RPS6KA2: variants seen among roughly 807,000 people sequenced by gnomAD.
RPS6KA2 encodes ribosomal protein S6 kinase alpha-2.
Under a neutral mutation model 91.8 loss-of-function variants are expected in RPS6KA2, and 42 were observed. The observed-to-expected ratio is 0.46, with a 90% CI of 0.36 to 0.59. The LOEUF is 0.59. Among genes scored for constraint, RPS6KA2 ranks in the 20% least tolerant of loss-of-function variants. RPS6KA2 has a pLI of 0.00. For missense variants in RPS6KA2, 798 were observed against 978.5 expected, an observed-to-expected ratio of 0.82 and a Z score of 2.46; for synonymous variants, 414 against 393.6, an observed-to-expected ratio of 1.05 and a Z score of -0.61.
At chr6:166,465,763 G>A (rs951444355) in intron 11 of RPS6KA2, among the ~76,000 whole-genome samples, 3 of 152,194 alleles carry the variant, frequency 2.0e-5, no homozygotes, top group Admixed American at 6.5e-5. Context: ...GGCGTTATGG[G>A]ACAGCAGACT....
At position 166,595,060 on chromosome 6, in the gene RPS6KA2, G is replaced by T. The variant is rs201812316; in HGVS notation, c.99+31861C>A. Among the ~76,000 whole-genome samples the T allele has an allele frequency of 4.5e-3, 667 of 149,756 alleles. 3 individuals are homozygous for T. The highest frequency in any genetic ancestry group is 0.015 in the African/African-American group (629 of 40,672). On this transcript the variant is annotated intron_variant, in intron 1 of 20. Transcript: ENST00000265678. Reference sequence around the variant, plus strand: ...AAGTTGAAATGAATAATTTTTTTTTGTTTTTTTTTGAGACAGAGTCTCATT... The same window carrying T: ...AAGTTGAAATGAATAATTTTTTTTTTTTTTTTTTTGAGACAGAGTCTCATT...
chr6:166,856,852 T>C (rs1415943797), intron 2 of RPS6KA2, among the ~76,000 whole-genome samples: 2 of 152,212 alleles, frequency 1.3e-5, no homozygotes, highest in Non-Finnish European at 2.9e-5. Flanking sequence ...CCTGCCTACC[T>C]TTTGATCATC....
chr6:166,480,514 T>TATATATATATATATATATATATAA (rs1554279395), intron 10 of RPS6KA2, among the ~76,000 whole-genome samples: 30 of 110,662 alleles, frequency 2.7e-4, no homozygotes, highest in African/African-American at 7.4e-4. Context: ...TATATATATA[T>TATATATATATATATATATATATAA]AATATATTTT....
Position 166,418,287 on chromosome 6 carries a change from T to A in RPS6KA2, c.1876A>T (p.Ile626Phe). The A allele has an allele frequency of 6.2e-7, 1 of 1,614,136 alleles. No homozygotes were observed. The highest frequency in any genetic ancestry group is 8.5e-7 in the Non-Finnish European group (1 of 1,180,010). ...DDTPEEILAR[I>F]GSGKYALSGG... ...GAAAGGGCATACTTCCCACTGCCGA[T>A]CCGCGCCAGAATCTCCTCAGGGGTA... Residue 626 changes from isoleucine (I) to phenylalanine (F), a missense_variant, in exon 19 of 21, where the codon ATC becomes TTC. Ile to Phe is a conservative substitution (Grantham distance 21, BLOSUM62 0). Transcript: ENST00000265678. This position sits in a 1 kb window ranked among gnomAD's most constrained non-coding sequence, Gnocchi z 4.9.
At chr6:166,519,348 T>C (rs951209003) in intron 3 of RPS6KA2, among the ~76,000 whole-genome samples, 2 of 152,234 alleles carry the variant, frequency 1.3e-5, no homozygotes, top group African/African-American at 2.4e-5. Flanking sequence ...GGATTGCTAC[T>C]ATAGATGTGA....
upstream of RPS6KA2, among the ~76,000 whole-genome samples, chr6:166,628,846 G>T (rs966926760): frequency 6.6e-6 from 1 of 152,244 alleles, no homozygotes; most frequent in Non-Finnish European, 1.5e-5. Flanking sequence ...TAGTGCAATT[G>T]ATTTTCATAT....
At chr6:166,717,338 G>A (rs150109520) in intron 2 of RPS6KA2, among the ~76,000 whole-genome samples, 32 of 152,308 alleles carry the variant, frequency 2.1e-4, no homozygotes, top group African/African-American at 7.0e-4. Flanking sequence ...CAGGTGCGCT[G>A]TAGGAGATGG....
intron 1 of RPS6KA2, among the ~76,000 whole-genome samples, chr6:166,571,085 G>C (rs1784671830): frequency 1.3e-5 from 2 of 152,242 alleles, no homozygotes; most frequent in Admixed American, 6.5e-5. Context: ...TGTCACAACA[G>C]TGCGGTGAGG....
chr6:166,825,456 T>TC lies in RPS6KA2; in HGVS notation c.123+32743dup, dbSNP rs927730615. ...AGAGGGACCCCTGGGCAGGCCTGCT[T>TC]CCCCTGACATGACCCAGATCCTGGC... On this transcript the variant is annotated intron_variant, in intron 2 of 21. Coordinates refer to the RPS6KA2 transcript ENST00000503859. This position sits in a 1 kb window ranked among gnomAD's most constrained non-coding sequence, Gnocchi z 4.1. 6.6e-6 allele frequency among the ~76,000 whole-genome samples: 1 copy of TC among 152,062 alleles called. No homozygotes were observed. Among genetic ancestry groups the TC allele is most frequent in the Non-Finnish European group, 1.5e-5 (1 of 68,018 alleles).
chr6:166,640,452 C>T (rs1035679922), intron 2 of RPS6KA2, among the ~76,000 whole-genome samples: 8 of 152,182 alleles, frequency 5.3e-5, no homozygotes, highest in African/African-American at 1.4e-4. Context: ...CCGGGAGAGG[C>T]GCGCCCTGTG....
chr6:166,577,049 C>T (rs1317498682), intron 1 of RPS6KA2, among the ~76,000 whole-genome samples: 2 of 152,212 alleles, frequency 1.3e-5, no homozygotes, highest in Non-Finnish European at 2.9e-5. Flanking sequence ...GGGTGGAAGC[C>T]CTAAGCCTTG....
intron 1 of RPS6KA2, among the ~76,000 whole-genome samples, chr6:166,541,625 G>T (rs1357239259): frequency 6.6e-6 from 1 of 152,160 alleles, no homozygotes; most frequent in Non-Finnish European, 1.5e-5. Context: ...CTGGCTTCAC[G>T]CCTTCCTCAG....
Position 166,435,778 on chromosome 6 carries a change from A to C in RPS6KA2, c.1333-3288T>G, listed in dbSNP as rs368156696. On this transcript the variant is annotated intron_variant, in intron 14 of 20. Transcript: ENST00000265678. This position sits in a 1 kb window ranked among gnomAD's most constrained non-coding sequence, Gnocchi z 4.3. ...GGTGTGGGTGGCTTGGCCTGTGGCC[A>C]TGTCACTTGCTGGTACTTGAATGTG... is the stretch of plus-strand genomic sequence containing the variant. Among the ~76,000 whole-genome samples the C allele has an allele frequency of 6.6e-6, 1 of 152,234 alleles. No homozygotes were observed. Among genetic ancestry groups the C allele is most frequent in the African/African-American group, 2.4e-5 (1 of 41,472 alleles).
chr6:166,562,886 T>G (rs3799619), intron 1 of RPS6KA2, among the ~76,000 whole-genome samples: 14,257 of 151,994 alleles, frequency 0.094, 1,016 homozygotes, highest in East Asian at 0.29. Context: ...CTTCCAGAAG[T>G]TGGGGGTGCA....
At chr6:166,810,260 A>G (rs1779595936) in intron 2 of RPS6KA2, among the ~76,000 whole-genome samples, 1 of 152,052 alleles carries the variant, frequency 6.6e-6, no homozygotes, top group Non-Finnish European at 1.5e-5. Context: ...ATTCAAGATG[A>G]GATTTTGGGT....
chr6:166,694,034 T>C (rs745577980), intron 2 of RPS6KA2, among the ~76,000 whole-genome samples: 33 of 152,208 alleles, frequency 2.2e-4, no homozygotes, highest in Non-Finnish European at 4.0e-4. Flanking sequence ...TTGTGTGACA[T>C]TGCAGCTCAT....
intron 2 of RPS6KA2, among the ~76,000 whole-genome samples, chr6:166,728,722 TA>T (rs1319108643): frequency 1.3e-5 from 2 of 152,118 alleles, no homozygotes; most frequent in African/African-American, 2.4e-5. Context: ...TTCTCACTTC[TA>T]AAAAACGGTA....
intron 2 of RPS6KA2, among the ~76,000 whole-genome samples, chr6:166,806,758 G>A (rs1025482056): frequency 6.6e-6 from 1 of 152,054 alleles, no homozygotes; most frequent in Non-Finnish European, 1.5e-5. Context: ...ACAATGACAT[G>A]TAACTCCACT....
At chr6:166,538,838 G>A (rs866058956) in intron 1 of RPS6KA2, 54 bp from the exon 2 acceptor site, 60 of 903,484 alleles carry the variant, frequency 6.6e-5, no homozygotes, top group Middle Eastern at 2.5e-4. Context: ...CCTCAGAGCC[G>A]CTCACAGCTT....
Sources: allele counts gnomAD v4.1 joint callset (sites outside exome capture counted in the v4.1 genomes callset), GRCh38; gene constraint gnomAD v4.1.1; non-coding constraint Gnocchi (gnomAD v3.1); transcripts MANE v1.5; gene names NCBI Gene and HGNC (gene_info 2026-07-23, HGNC 2026-07-21).